Variants in USH2A observed in about 807,000 individuals in gnomAD.
USH2A encodes usherin, also known as Usher syndrome 2A (autosomal recessive, mild).
Under a neutral mutation model 538.9 loss-of-function variants are expected in USH2A, and 443 were observed. The ratio of observed to expected loss-of-function variants is 0.82; its 90% CI spans 0.76 to 0.89. The LOEUF is 0.89. Among genes scored for constraint, USH2A ranks in the 40% least tolerant of loss-of-function variants. The probability of loss-of-function intolerance (pLI) is 0.00; values close to 1 mark genes in which losing one functional copy is unlikely to be tolerated. For synonymous variants in USH2A, 2,413 were observed against 2,273.5 expected, an observed-to-expected ratio of 1.06 and a Z score of -1.75; for missense variants, 6,633 against 6,324.8, an observed-to-expected ratio of 1.05 and a Z score of -1.65.
At chr1:216,021,583 A>G (rs763136174) in intron 32 of USH2A, among the ~76,000 whole-genome samples, 1 of 152,154 alleles carries the variant, frequency 6.6e-6, no homozygotes, top group Non-Finnish European at 1.5e-5. Context: ...TCCCAAGACT[A>G]CAACACTAAC....
At chr1:216,137,052 C>A (rs541481532) in intron 21 of USH2A, among the ~76,000 whole-genome samples, 36 of 152,156 alleles carry the variant, frequency 2.4e-4, no homozygotes, top group Non-Finnish European at 2.9e-5. Context: ...GGATGAATAA[C>A]CCCATTGGAA....
chr1:216,017,623 T>G (rs1258577947), intron 32 of USH2A, among the ~76,000 whole-genome samples: 1 of 152,170 alleles, frequency 6.6e-6, no homozygotes, highest in East Asian at 1.9e-4. Flanking sequence ...ATAAGAATAA[T>G]AAGTTCCTGA....
In USH2A at chr1:215,998,967, T is replaced by A; in HGVS notation, c.6577A>T (p.Ile2193Phe). The A allele has an allele frequency of 1.2e-6, 2 of 1,613,096 alleles. No homozygotes were observed. The highest frequency in any genetic ancestry group is 1.7e-6 in the Non-Finnish European group (2 of 1,179,282). The change falls in exon 34 of 72, where the codon ATC (isoleucine) becomes TTC (phenylalanine). Residue 2193 changes from isoleucine to phenylalanine, a missense_variant. Physicochemically the swap from Ile to Phe is conservative, Grantham distance 21. Coordinates refer to ENST00000307340, the MANE Select transcript of USH2A (RefSeq NM_206933.4). ...TGGAAAAGTTCTGTACTGTTATAGA[T>A]GACACTCCAAATTGTAAAATCATGT... ...HTHDFTIWSVIYNSTELFQDH... is the reference protein window; with the variant it reads ...HTHDFTIWSVFYNSTELFQDH...
chr1:215,726,176 G>A (rs1659812372), intron 61 of USH2A, among the ~76,000 whole-genome samples: 1 of 152,146 alleles, frequency 6.6e-6, no homozygotes, highest in African/African-American at 2.4e-5. Context: ...CTTTAAGGGT[G>A]AAAGTTTAGA....
At chr1:216,057,279 C>A (rs1386800634) in intron 30 of USH2A, among the ~76,000 whole-genome samples, 3 of 152,150 alleles carry the variant, frequency 2.0e-5, no homozygotes, top group Non-Finnish European at 4.4e-5. Flanking sequence ...ATTAGCTAAG[C>A]AGGAACATTA....
chr1:216,396,304 G>T (rs1004298123), intron 3 of USH2A, among the ~76,000 whole-genome samples: 1 of 152,072 alleles, frequency 6.6e-6, no homozygotes, highest in Non-Finnish European at 1.5e-5. Context: ...ACTAAATTTA[G>T]AATTCATCAA....
rs116054213 is a variant in USH2A, at chr1:215,858,404, C to G, written c.8845+8603G>C. ...ATTGGATTACGGGGGTGGTTTCCCC[C>G]ACGCTGTTCTCATGATAGTGAGTTC... is the stretch of plus-strand genomic sequence containing the variant. On this transcript the variant is annotated intron_variant, in intron 44 of 71. Coordinates refer to ENST00000307340, the MANE Select transcript of USH2A (RefSeq NM_206933.4). Among the ~76,000 whole-genome samples, 7 of 151,174 alleles carry G rather than the reference C, an allele frequency of 4.6e-5. No homozygotes were observed. The East Asian group carries it at 1.2e-3, about 25-fold the overall frequency.
intron 16 of USH2A, chr1:216,203,990 G>A: frequency 6.1e-6 from 1 of 163,746 alleles, no homozygotes. Context: ...GTGCAGATCA[G>A]CCCATTGATT....
intron 13 of USH2A, 75 bp from the exon 14 acceptor site, chr1:216,232,211 C>T: frequency 6.8e-7 from 1 of 1,466,288 alleles, no homozygotes; most frequent in Middle Eastern, 2.4e-4. Flanking sequence ...TAATTGATTA[C>T]ACAGAAAAAC....
intron 37 of USH2A, among the ~76,000 whole-genome samples, chr1:215,959,429 C>T (rs1667145252): frequency 6.6e-6 from 1 of 151,930 alleles, no homozygotes; most frequent in Non-Finnish European, 1.5e-5. Flanking sequence ...CCTTACCTTC[C>T]ACCCTTACTT....
chr1:215,675,614 T>C lies in USH2A; in HGVS notation c.12297A>G (p.Thr4099=), dbSNP rs1346542375. Residue 4099 remains threonine, a splice_region_variant and synonymous_variant, in exon 63 of 72, where the codon ACA becomes ACG. Transcript: ENST00000307340. ...EPMRTNGVIK[T]YNIFSDGFLE... ...GGAACCCGTCACTGAAGATGTTGTA[T>C]GTCTACAGAAGGACAGAAGCAAAAG... The C allele has an allele frequency of 1.2e-6, 2 of 1,614,182 alleles. No individual in the cohort carries two copies. The highest frequency in any genetic ancestry group is 1.7e-4 in the Middle Eastern group (1 of 6,060).
Position 215,769,607 on chromosome 1 carries a change from A to G in USH2A, c.10940-2819T>C, listed in dbSNP as rs112426432. ...TTGATAGAGGGAGGAAAGTGCATCA[A>G]AGGAGTTTGCTACAGGTGTTTACAT... On this transcript the variant is annotated intron_variant, in intron 55 of 71. Transcript: ENST00000307340. Among the ~76,000 whole-genome samples the G allele has an allele frequency of 2.8e-3, 432 of 152,210 alleles. 1 individual carries two copies. The highest frequency in any genetic ancestry group is 0.01 in the African/African-American group (416 of 41,522).
chr1:215,731,828 T>C (rs574855370), intron 60 of USH2A, among the ~76,000 whole-genome samples: 64 of 152,328 alleles, frequency 4.2e-4, no homozygotes, highest in Non-Finnish European at 8.4e-4. Context: ...TGAAGAATAT[T>C]ACAAATATTC....
In USH2A at chr1:215,867,119, T is replaced by G. The variant is rs778749934; in HGVS notation, c.8733A>C (p.Thr2911=). The G allele has an allele frequency of 1.9e-6, 3 of 1,614,182 alleles. No individual in the cohort carries two copies. The highest frequency in any genetic ancestry group is 2.5e-6 in the Non-Finnish European group (3 of 1,180,016). ...MLFVHNSVGF[T]PSREVTVTTL... is the part of the protein sequence containing the mutation. ...TTGTCACAGTCACTTCTCGGCTCGGTGTAAAACCCACACTGTTGTGTACGA... is the reference window on the plus strand; with the variant it reads ...TTGTCACAGTCACTTCTCGGCTCGGGGTAAAACCCACACTGTTGTGTACGA... The change falls in exon 44 of 72, where the codon ACA becomes ACC. Residue 2911 remains threonine (T), a synonymous_variant. Transcript: ENST00000307340.
At chr1:216,368,479 G>C (rs1301733182) in intron 3 of USH2A, among the ~76,000 whole-genome samples, 2 of 152,134 alleles carry the variant, frequency 1.3e-5, no homozygotes, top group African/African-American at 4.8e-5. Flanking sequence ...CAGAATACCT[G>C]TGCTGAATTT....
At chr1:216,284,186 G>C (rs547356296) in intron 11 of USH2A, among the ~76,000 whole-genome samples, 1 of 152,090 alleles carries the variant, frequency 6.6e-6, no homozygotes, top group South Asian at 2.1e-4. Flanking sequence ...AAAGAAATCT[G>C]AGATAGTTTT....
At chr1:216,063,575 A>G (rs1314370505) in intron 30 of USH2A, among the ~76,000 whole-genome samples, 1 of 152,234 alleles carries the variant, frequency 6.6e-6, no homozygotes, top group Non-Finnish European at 1.5e-5. Context: ...TGAAAAAATC[A>G]CTAAAAAACA....
rs2036957721 is a variant in USH2A at position 216,289,507 on chromosome 1, T to C, written c.1841-97A>G. On this transcript the variant is annotated intron_variant, in intron 10 of 71. Transcript: ENST00000307340. Reference sequence around the variant, plus strand: ...ACTGTATTCCTTTGAGGGAATTCTATAATTTTCGGAACGTCCGTTTTAATG... The same window carrying C: ...ACTGTATTCCTTTGAGGGAATTCTACAATTTTCGGAACGTCCGTTTTAATG... 5.8e-6 allele frequency: 9 copies of C among 1,563,034 alleles called. No homozygotes were observed. In the East Asian group the frequency reaches 1.8e-4, roughly 31 times the overall value.
At chr1:216,239,360 A>C (rs2035890589) in intron 13 of USH2A, among the ~76,000 whole-genome samples, 1 of 152,174 alleles carries the variant, frequency 6.6e-6, no homozygotes, top group African/African-American at 2.4e-5. Flanking sequence ...CTCACACCTA[A>C]AAACAGGAGA....
Sources: allele counts gnomAD v4.1 joint callset (sites outside exome capture counted in the v4.1 genomes callset), GRCh38; gene constraint gnomAD v4.1.1; transcripts MANE v1.5; gene names NCBI Gene and HGNC (gene_info 2026-07-23, HGNC 2026-07-21).